RBFOX3: variants seen among roughly 807,000 people sequenced by gnomAD.
RBFOX3 encodes the protein RNA binding protein fox-1 homolog 3.
RBFOX3 carries 17 observed loss-of-function variants against 48.7 expected under a neutral mutation model. That is an observed-to-expected ratio of 0.35 (90% confidence interval 0.24 to 0.52). The LOEUF (loss-of-function observed/expected upper bound fraction) is 0.52. Among genes scored for constraint, RBFOX3 ranks in the 20% least tolerant of loss-of-function variants. RBFOX3 has a pLI of 0.94. For synonymous variants in RBFOX3, 212 were observed against 209.5 expected, an observed-to-expected ratio of 1.01 and a Z score of -0.10; for missense variants, 382 against 497.5, an observed-to-expected ratio of 0.77 and a Z score of 2.21.
At chr17:79,399,931 T>A (rs1042099022) in intron 2 of RBFOX3, among the ~76,000 whole-genome samples, 5 of 152,168 alleles carry the variant, frequency 3.3e-5, no homozygotes, top group African/African-American at 4.8e-5. Flanking sequence ...TCGTTTCCCA[T>A]CACTCAGGAA....
At chr17:79,280,969 C>T (rs1303321510) in intron 3 of RBFOX3, among the ~76,000 whole-genome samples, 3 of 152,116 alleles carry the variant, frequency 2.0e-5, no homozygotes, top group African/African-American at 4.8e-5. Context: ...GGCAGTGAAG[C>T]GAGCACGTGG....
the RBFOX3 span, among the ~76,000 whole-genome samples, chr17:79,628,036 G>A: frequency 2.6e-5 from 4 of 151,158 alleles, no homozygotes; most frequent in African/African-American, 7.3e-5. Flanking sequence ...CCTGCTCCCC[G>A]CCCAAGGGTC....
intron 2 of RBFOX3, among the ~76,000 whole-genome samples, chr17:79,384,851 G>C (rs930815720): frequency 1.3e-4 from 20 of 152,242 alleles, no homozygotes; most frequent in Admixed American, 1.2e-3. Flanking sequence ...CAAGAGTCCA[G>C]CGGCAAAACG....
intron 2 of RBFOX3, among the ~76,000 whole-genome samples, chr17:79,326,682 C>T (rs2079381256): frequency 6.6e-6 from 1 of 152,158 alleles, no homozygotes; most frequent in African/African-American, 2.4e-5. Context: ...CCCTGCTCCC[C>T]AGCTCCTCTC....
At chr17:79,501,058 A>G (rs1468883800) in intron 1 of RBFOX3, among the ~76,000 whole-genome samples, 1 of 152,164 alleles carries the variant, frequency 6.6e-6, no homozygotes, top group South Asian at 2.1e-4. Flanking sequence ...ACCATTAGGG[A>G]TTCCGCACAG....
chr17:79,450,135 G>A (rs1480436814), intron 2 of RBFOX3, among the ~76,000 whole-genome samples: 2 of 152,198 alleles, frequency 1.3e-5, no homozygotes, highest in African/African-American at 2.4e-5. Flanking sequence ...CCATGTGTGT[G>A]CAGAAACTCT....
chr17:79,095,117 A>T (rs1251399671), intron 13 of RBFOX3, among the ~76,000 whole-genome samples: 1 of 152,122 alleles, frequency 6.6e-6, no homozygotes, highest in Non-Finnish European at 1.5e-5. Context: ...TCCCCAGACC[A>T]GAGTGGTGGA....
intron 2 of RBFOX3, among the ~76,000 whole-genome samples, chr17:79,375,445 G>A (rs11871496): frequency 6.6e-6 from 1 of 151,286 alleles, no homozygotes; most frequent in Non-Finnish European, 1.5e-5. Context: ...TATTTGGGGA[G>A]TGTTGAGGGT....
chr17:79,443,450 C>T lies in RBFOX3; in HGVS notation c.-175+39004G>A, dbSNP rs1466447771. ...AGGCTGGAGTGCAGTGGCTCGATCT[C>T]GGCTCGCTGCAACCTCTGCCTCCCA... On this transcript the variant is annotated intron_variant, in intron 2 of 14. Coordinates refer to ENST00000693108, the MANE Select transcript of RBFOX3 (RefSeq NM_001350451.2). The surrounding 1 kb of genome is among the most constrained non-coding windows in gnomAD (Gnocchi z 4.4). Among the ~76,000 whole-genome samples, 4 of 152,004 alleles carry T rather than the reference C, an allele frequency of 2.6e-5. No individual in the cohort carries two copies. Among genetic ancestry groups the T allele is most frequent in the South Asian group, 2.1e-4 (1 of 4,808 alleles).
intron 4 of RBFOX3, among the ~76,000 whole-genome samples, chr17:79,218,494 G>T (rs1028101996): frequency 1.9e-4 from 29 of 152,314 alleles, no homozygotes; most frequent in African/African-American, 7.0e-4. Flanking sequence ...CCAGGGCTTG[G>T]CCGAGCGTGG....
In RBFOX3 at chr17:79,510,116, C is replaced by T. The variant is rs556828077; in HGVS notation, c.-319-27518G>A. ...CTCTGCCAACAGCCCGGCCCACCCA[C>T]CAGAAGTTGGCCCTGCAGGTCAGCA... On this transcript the variant is annotated intron_variant, in intron 1 of 14. Coordinates refer to ENST00000693108, the MANE Select transcript of RBFOX3 (RefSeq NM_001350451.2). 8.5e-5 allele frequency among the ~76,000 whole-genome samples: 13 copies of T among 152,314 alleles called. No homozygotes were observed. The South Asian group carries it at 2.5e-3, about 29-fold the overall frequency.
intron 4 of RBFOX3, among the ~76,000 whole-genome samples, chr17:79,173,501 G>T (rs1391718101): frequency 6.6e-6 from 1 of 152,108 alleles, no homozygotes; most frequent in African/African-American, 2.4e-5. Context: ...CTCTCTAAGG[G>T]GCCCACCTGC....
intron 3 of RBFOX3, among the ~76,000 whole-genome samples, chr17:79,276,235 T>C (rs2068786497): frequency 6.6e-6 from 1 of 152,212 alleles, no homozygotes; most frequent in South Asian, 2.1e-4. Context: ...TGAGTGACTC[T>C]GGTGGGTCAA....
In RBFOX3 at chr17:79,528,050, C is replaced by T. The variant is rs1404529216; in HGVS notation, c.-319-45452G>A. On this transcript the variant is annotated intron_variant, in intron 1 of 14. Transcript: ENST00000693108. ...AGAATCTTAGTTGAACCACTGAGTACCTCTGAGGAGGATCTTAGTTGAAAC... is the reference window on the plus strand; with the variant it reads ...AGAATCTTAGTTGAACCACTGAGTATCTCTGAGGAGGATCTTAGTTGAAAC... Among the ~76,000 whole-genome samples the T allele has an allele frequency of 1.3e-3, 199 of 152,106 alleles. 1 individual carries two copies. The highest frequency in any genetic ancestry group is 4.8e-3 in the African/African-American group (197 of 41,442).
chr17:79,295,562 G>C (rs1286094284), intron 3 of RBFOX3, among the ~76,000 whole-genome samples: 1 of 152,214 alleles, frequency 6.6e-6, no homozygotes, highest in Non-Finnish European at 1.5e-5. Flanking sequence ...CTCAGGGTCT[G>C]AGTGCGGGCA....
At chr17:79,282,301 C>T (rs1043993092) in intron 3 of RBFOX3, among the ~76,000 whole-genome samples, 1 of 152,184 alleles carries the variant, frequency 6.6e-6, no homozygotes, top group Admixed American at 6.5e-5. Flanking sequence ...AAGAGGGAAC[C>T]TCGCCCTGTT....
Position 79,477,291 on chromosome 17 carries a change from T to C in RBFOX3, c.-175+5163A>G, listed in dbSNP as rs1598864228. 2.2e-5 allele frequency among the ~76,000 whole-genome samples: 3 copies of C among 137,304 alleles called. No homozygotes were observed. The Admixed American group carries it at 2.3e-4, about 10-fold the overall frequency. 90.1% of individuals were successfully genotyped at this position (137,304 alleles called of 152,430 possible). On this transcript the variant is annotated intron_variant, in intron 2 of 14. Transcript: ENST00000693108. The surrounding 1 kb of genome is among the most constrained non-coding windows in gnomAD (Gnocchi z 4.8). ...AAAAAAAAAAAGAGGGCGCGGTGGC[T>C]CACACCTGTAATCCCAGCACTTTGG... is the stretch of plus-strand genomic sequence containing the variant.
At chr17:79,389,559 G>GC (rs1338192019) in intron 2 of RBFOX3, among the ~76,000 whole-genome samples, 1 of 152,170 alleles carries the variant, frequency 6.6e-6, no homozygotes, top group African/African-American at 2.4e-5. Flanking sequence ...TAAACACTGA[G>GC]TCCCCCACCC....
At chr17:79,323,024 A>G (rs967251250) in intron 2 of RBFOX3, among the ~76,000 whole-genome samples, 2 of 152,208 alleles carry the variant, frequency 1.3e-5, no homozygotes, top group African/African-American at 4.8e-5. Context: ...GTGCTGGGGG[A>G]CATGAAGGCT....
Sources: allele counts gnomAD v4.1 joint callset (sites outside exome capture counted in the v4.1 genomes callset), GRCh38; gene constraint gnomAD v4.1.1; non-coding constraint Gnocchi (gnomAD v3.1); transcripts MANE v1.5; gene names NCBI Gene and HGNC (gene_info 2026-07-23, HGNC 2026-07-21).